CABCOCO1: variants seen among roughly 807,000 people sequenced by gnomAD.
CABCOCO1 encodes ciliary associated calcium binding coiled-coil 1, also known as ciliary-associated calcium-binding coiled-coil protein 1.
In CABCOCO1, 28 loss-of-function variants were observed where a neutral mutation model predicts 35.7. That is an observed-to-expected ratio of 0.78 (90% CI 0.58 to 1.07). The LOEUF is 1.07. Ranked by LOEUF, CABCOCO1 falls within the 50% of genes least tolerant of loss-of-function variation. CABCOCO1 has a pLI of 0.00. For missense variants in CABCOCO1, 326 were observed against 309.2 expected, an observed-to-expected ratio of 1.05 and a Z score of -0.41; for synonymous variants, 95 against 100.1, an observed-to-expected ratio of 0.95 and a Z score of 0.30.
intron 3 of CABCOCO1, among the ~76,000 whole-genome samples, chr10:61,682,904 T>TTTTTTTTTAA (rs1839841006): frequency 6.6e-6 from 1 of 151,008 alleles, no homozygotes; most frequent in Non-Finnish European, 1.5e-5. Context: ...TTTTTTTTTT[T>TTTTTTTTTAA]AAGACAGATT....
At chr10:61,670,386 T>A (rs1465404603) in intron 1 of CABCOCO1, among the ~76,000 whole-genome samples, 1 of 152,044 alleles carries the variant, frequency 6.6e-6, no homozygotes, top group Non-Finnish European at 1.5e-5. Flanking sequence ...TATAATCTAA[T>A]TATATGACCT....
chr10:61,691,888 T>C (rs1347474748), intron 5 of CABCOCO1, among the ~76,000 whole-genome samples: 1 of 152,228 alleles, frequency 6.6e-6, no homozygotes, highest in Non-Finnish European at 1.5e-5. Flanking sequence ...TTATCCAGTC[T>C]ATCATTGATG....
At chr10:61,674,961 C>T (rs1403063404) in intron 2 of CABCOCO1, among the ~76,000 whole-genome samples, 2 of 152,070 alleles carry the variant, frequency 1.3e-5, no homozygotes, top group East Asian at 3.9e-4. Flanking sequence ...TTTTAATAAC[C>T]TTTCGGTAAC....
chr10:61,705,925 T>C (rs995522772), intron 5 of CABCOCO1, among the ~76,000 whole-genome samples: 4 of 152,232 alleles, frequency 2.6e-5, no homozygotes, highest in African/African-American at 9.6e-5. Flanking sequence ...AGACTTGAGT[T>C]AATCCTTAAA....
intron 5 of CABCOCO1, among the ~76,000 whole-genome samples, chr10:61,758,100 T>G (rs1823037169): frequency 6.6e-6 from 1 of 152,016 alleles, no homozygotes; most frequent in African/African-American, 2.4e-5. Context: ...CTGCAGTAAA[T>G]TCAGTAGACT....
chr10:61,673,127 T>A (rs891447657), intron 2 of CABCOCO1, among the ~76,000 whole-genome samples: 1 of 152,302 alleles, frequency 6.6e-6, no homozygotes, highest in African/African-American at 2.4e-5. Context: ...GCAATGCATT[T>A]TATTATTTTG....
At chr10:61,722,862 A>C (rs1181408033) in intron 5 of CABCOCO1, among the ~76,000 whole-genome samples, 1 of 152,204 alleles carries the variant, frequency 6.6e-6, no homozygotes, top group Non-Finnish European at 1.5e-5. Flanking sequence ...TTGAAAGCCT[A>C]AATCAACCAA....
intron 5 of CABCOCO1, among the ~76,000 whole-genome samples, chr10:61,703,227 GAC>G (rs35152499): frequency 0.37 from 51,977 of 141,240 alleles, 9,023 homozygotes; most frequent in Admixed American, 0.44. Context: ...CTTGTGAGGA[GAC>G]ACACACACAC....
In CABCOCO1 at chr10:61,729,918, C is replaced by T. The variant is rs555129307; in HGVS notation, c.553-30141C>T. On this transcript the variant is annotated intron_variant, in intron 5 of 7. Transcript: ENST00000648843. ...ATCAGTTATCTAAAATAGAGGCCAGCGGGGAGAGGAAAATGGGGAGTTACT... is the reference window on the plus strand; with the variant it reads ...ATCAGTTATCTAAAATAGAGGCCAGTGGGGAGAGGAAAATGGGGAGTTACT... Among the ~76,000 whole-genome samples, 12 of 151,936 alleles carry T rather than the reference C, an allele frequency of 7.9e-5. No individual in the cohort carries two copies. The South Asian group carries it at 1.5e-3, about 18-fold the overall frequency.
At position 61,690,563 on chromosome 10, in the gene CABCOCO1, A is replaced by G. The variant is rs114060974; in HGVS notation, c.494A>G (p.Tyr165Cys). 141 of 1,605,510 alleles carry G rather than the reference A, an allele frequency of 8.8e-5. No homozygotes were observed. In the African/African-American group the frequency reaches 1.2e-3, roughly 13 times the overall value. Residue 165 changes from tyrosine to cysteine, a missense_variant, in exon 5 of 8, where the codon TAC (tyrosine) becomes TGC (cysteine). Coordinates refer to ENST00000648843, the MANE Select transcript of CABCOCO1 (RefSeq NM_001366906.2). ...DYLKISLFQHYKLYEFMFYSA... is the reference protein window; with the variant it reads ...DYLKISLFQHCKLYEFMFYSA... The stretch of plus-strand genomic sequence containing the variant: ...TTATATTTCAGCTTATTTCAACACT[A>G]CAAGCTATACGAGTTTATGTTCTAC...
At chr10:61,706,542 A>G (rs1840596594) in intron 5 of CABCOCO1, among the ~76,000 whole-genome samples, 2 of 152,194 alleles carry the variant, frequency 1.3e-5, no homozygotes, top group African/African-American at 4.8e-5. Flanking sequence ...AATTGAACAT[A>G]GCTGCTTCCC....
At chr10:61,677,822 T>G (rs1302343231) in intron 2 of CABCOCO1, among the ~76,000 whole-genome samples, 5 of 144,402 alleles carry the variant, frequency 3.5e-5, no homozygotes, top group Non-Finnish European at 7.6e-5. Context: ...TTTTTTTTTT[T>G]TTTTTTTTTT....
intron 5 of CABCOCO1, among the ~76,000 whole-genome samples, chr10:61,695,549 C>T (rs544987631): frequency 6.6e-6 from 1 of 152,092 alleles, no homozygotes; most frequent in African/African-American, 2.4e-5. Context: ...ACCCAAAATA[C>T]ATGTAAATCC....
intron 3 of CABCOCO1, among the ~76,000 whole-genome samples, chr10:61,682,028 C>T (rs1470506228): frequency 1.3e-5 from 2 of 152,112 alleles, no homozygotes; most frequent in Non-Finnish European, 2.9e-5. Context: ...GAATATGTAA[C>T]ATGGACAGTC....
intron 5 of CABCOCO1, chr10:61,701,859 C>A (rs1589130654): frequency 1.1e-6 from 1 of 915,106 alleles, no homozygotes. Context: ...GTCTTCAAAT[C>A]TAAAGGACTA....
chr10:61,684,258 A>T, intron 3 of CABCOCO1, among the ~76,000 whole-genome samples: 1 of 152,244 alleles, frequency 6.6e-6, no homozygotes, highest in East Asian at 1.9e-4. Flanking sequence ...TAATTCATTA[A>T]ACCAGATTTT....
chr10:61,685,465 C>A (rs1010408559), intron 3 of CABCOCO1: 1 of 152,164 alleles, frequency 6.6e-6, no homozygotes, highest in African/African-American at 2.4e-5. Flanking sequence ...TTTTAAAGTA[C>A]ATTTTGAATT....
At chr10:61,666,848 A>G (rs1480211151) in intron 1 of CABCOCO1, among the ~76,000 whole-genome samples, 1 of 148,888 alleles carries the variant, frequency 6.7e-6, no homozygotes, top group African/African-American at 2.5e-5. Flanking sequence ...ACATGAATGG[A>G]CAAAATAGGC....
At chr10:61,718,759 T>C (rs1159431326) in intron 5 of CABCOCO1, among the ~76,000 whole-genome samples, 1 of 152,140 alleles carries the variant, frequency 6.6e-6, no homozygotes, top group Non-Finnish European at 1.5e-5. Context: ...TCACCTTAAG[T>C]TTATCTAATG....
Sources: allele counts gnomAD v4.1 joint callset (sites outside exome capture counted in the v4.1 genomes callset), GRCh38; gene constraint gnomAD v4.1.1; transcripts MANE v1.5; gene names NCBI Gene and HGNC (gene_info 2026-07-23, HGNC 2026-07-21).